The following THADA variants were observed in gnomAD, a reference collection of about 807,000 sequenced individuals.
The protein encoded by THADA is tRNA (32-2'-O)-methyltransferase regulator THADA.
Under a neutral mutation model 219.8 loss-of-function variants are expected in THADA, and 213 were observed. The observed-to-expected ratio is 0.97, with a 90% CI of 0.87 to 1.09. The LOEUF is 1.09. Ranked by LOEUF, THADA falls within the 50% of genes least tolerant of loss-of-function variation. The pLI, the probability that THADA is intolerant of heterozygous loss-of-function variation, is 0.00. For missense variants in THADA, 2,956 were observed against 2,311.3 expected (o/e 1.28, Z -5.72); for synonymous variants, 1,018 against 828.9 (o/e 1.23, Z -3.92).
At chr2:43,499,730 T>A (rs1249529259) in intron 24 of THADA, among the ~76,000 whole-genome samples, 1 of 145,026 alleles carries the variant, frequency 6.9e-6, no homozygotes, top group African/African-American at 2.5e-5. Flanking sequence ...ACTGGTCAAA[T>A]TTTTTTTTTT....
At chr2:43,404,091 G>C (rs1675218338) in intron 28 of THADA, among the ~76,000 whole-genome samples, 1 of 152,208 alleles carries the variant, frequency 6.6e-6, no homozygotes. Context: ...GCACATTTCA[G>C]TTCATTCTCA....
chr2:43,460,753 A>G (rs1385864135), intron 26 of THADA, among the ~76,000 whole-genome samples: 1 of 152,224 alleles, frequency 6.6e-6, no homozygotes, highest in Non-Finnish European at 1.5e-5. Context: ...GGTAAGAGCC[A>G]TAGACGTGGT....
chr2:43,590,730 CA>C (rs1701468504), intron 4 of THADA, 93 bp downstream of exon 4: 1 of 1,288,880 alleles, frequency 7.8e-7, no homozygotes, highest in African/African-American at 1.5e-5. Context: ...TGATCTGTAT[CA>C]GTTCAGTTTT....
chr2:43,462,455 CAG>C (rs1465284982), intron 26 of THADA, among the ~76,000 whole-genome samples: 1 of 152,008 alleles, frequency 6.6e-6, no homozygotes, highest in Non-Finnish European at 1.5e-5. Flanking sequence ...TTTAAAAAAA[CAG>C]GGGAGGCTAC....
intron 36 of THADA, among the ~76,000 whole-genome samples, chr2:43,272,560 T>C (rs894551618): frequency 1.3e-5 from 2 of 151,804 alleles, no homozygotes; most frequent in African/African-American, 2.4e-5. Flanking sequence ...GAAAAATCTA[T>C]AGACTATCTT....
At chr2:43,502,609 A>C (rs1689148982) in intron 24 of THADA, among the ~76,000 whole-genome samples, 1 of 151,248 alleles carries the variant, frequency 6.6e-6, no homozygotes, top group African/African-American at 2.4e-5. Context: ...AAAAGAAAGA[A>C]AGAAAAAGAA....
chr2:43,337,000 G>C (rs760513834), intron 30 of THADA, among the ~76,000 whole-genome samples: 3 of 152,240 alleles, frequency 2.0e-5, no homozygotes, highest in African/African-American at 4.8e-5. Context: ...TTTTTCAAAA[G>C]AAGCTGTAGA....
Position 43,231,069 on chromosome 2 carries a change from C to G in THADA, c.5741G>C (p.Cys1914Ser). 6.2e-7 allele frequency: 1 copy of G among 1,613,960 alleles called. No homozygotes were observed. The highest frequency in any genetic ancestry group is 1.1e-5 in the South Asian group (1 of 91,078). ...TTCCAAAAAGGCCAGCAGCCTCAAG[C>G]AAGCCAAAGTCCTTTCCTCTTGAAT... ...LRIQEERTLA[C>S]LRLLAFLEGK... The change falls in exon 38 of 38, where the codon TGC (cysteine) becomes TCC (serine). Residue 1914 changes from cysteine (C) to serine (S), a missense_variant. Cys to Ser is a moderately radical substitution (Grantham distance 112). Transcript: ENST00000405975.
intron 28 of THADA, among the ~76,000 whole-genome samples, chr2:43,407,964 C>A (rs556599782): frequency 1.3e-5 from 2 of 152,286 alleles, no homozygotes; most frequent in East Asian, 1.9e-4. Context: ...CCTTTGTAGG[C>A]AATTTATCCC....
intron 36 of THADA, among the ~76,000 whole-genome samples, chr2:43,236,372 A>C (rs1572713168): frequency 6.6e-6 from 1 of 152,160 alleles, no homozygotes; most frequent in Admixed American, 6.5e-5. Context: ...GTCTCTTACT[A>C]CCTTGCCCTG....
intron 30 of THADA, among the ~76,000 whole-genome samples, chr2:43,341,823 A>G (rs1230826003): frequency 6.6e-6 from 1 of 152,202 alleles, no homozygotes; most frequent in Non-Finnish European, 1.5e-5. Flanking sequence ...TGTGATATGT[A>G]TCTTTGGGAT....
chr2:43,504,458 T>C (rs1361604828), intron 24 of THADA, among the ~76,000 whole-genome samples: 2 of 152,206 alleles, frequency 1.3e-5, no homozygotes, highest in Non-Finnish European at 2.9e-5. Flanking sequence ...CATTCTGGCC[T>C]GTGGGCTCTC....
At chr2:43,344,350 G>A (rs1264650484) in intron 29 of THADA, 113 bp from the exon 30 acceptor site, 3 of 679,142 alleles carry the variant, frequency 4.4e-6, no homozygotes, top group Non-Finnish European at 7.4e-6. Context: ...ACAGACACCT[G>A]CAGAATGTAG....
rs200036949 is a variant in THADA, at chr2:43,245,172, C to CTTTTTTTTTTTTTTTTTT, written c.5297-12308_5297-12291dup. Among the ~76,000 whole-genome samples, 206 of 103,072 alleles carry CTTTTTTTTTTTTTTTTTT rather than the reference C, an allele frequency of 2.0e-3. 24 individuals are homozygous for CTTTTTTTTTTTTTTTTTT. Among genetic ancestry groups the CTTTTTTTTTTTTTTTTTT allele is most frequent in the African/African-American group, 4.2e-3 (84 of 20,010 alleles). The allele number at this position is 103,072 out of a possible 152,430, so 67.6% of individuals were successfully genotyped here. On this transcript the variant is annotated intron_variant, in intron 36 of 37. Transcript: ENST00000405975. ...TACTGGAGCTTCTTTCTTTCTTCTT[C>CTTTTTTTTTTTTTTTTTT]TTTTTTTTTTTTTTTTTTGAGACGG...
chr2:43,319,494 C>T (rs564142895), intron 31 of THADA, among the ~76,000 whole-genome samples: 79 of 152,156 alleles, frequency 5.2e-4, no homozygotes, highest in African/African-American at 1.8e-3. Context: ...CTGGGTGAGA[C>T]GGTTTTGCAT....
chr2:43,453,763 G>A (rs1682647844), intron 26 of THADA, among the ~76,000 whole-genome samples: 1 of 152,192 alleles, frequency 6.6e-6, no homozygotes, highest in African/African-American at 2.4e-5. Flanking sequence ...ACATAGCTGG[G>A]AGTCATTCCC....
chr2:43,585,577 T>TAGATAGATAGATAGATAGAA (rs1553505551), intron 7 of THADA, among the ~76,000 whole-genome samples: 2 of 135,212 alleles, frequency 1.5e-5, no homozygotes, highest in Non-Finnish European at 3.1e-5. Flanking sequence ...GATAGATAGA[T>TAGATAGATAGATAGATAGAA]AGAAAGAAAT....
intron 28 of THADA, among the ~76,000 whole-genome samples, chr2:43,427,503 T>TGTGTGTGTGTGTGTGTG (rs1678605130): frequency 7.1e-6 from 1 of 140,600 alleles, no homozygotes; most frequent in Non-Finnish European, 1.5e-5. Flanking sequence ...CTCCCAAAGT[T>TGTGTGTGTGTGTGTGTG]TGTGTGTGTG....
At chr2:43,423,031 A>C (rs1297643049) in intron 28 of THADA, among the ~76,000 whole-genome samples, 3 of 152,252 alleles carry the variant, frequency 2.0e-5, no homozygotes, top group Admixed American at 6.5e-5. Context: ...ATAGGATGAC[A>C]TTCAAGCATT....
Sources: allele counts gnomAD v4.1 joint callset (sites outside exome capture counted in the v4.1 genomes callset), GRCh38; gene constraint gnomAD v4.1.1; transcripts MANE v1.5; gene names NCBI Gene and HGNC (gene_info 2026-07-23, HGNC 2026-07-21).